The following CCDC28B variants were observed in gnomAD, a reference collection of about 807,000 sequenced individuals.
CCDC28B encodes the protein coiled-coil domain-containing protein 28B.
Under a neutral mutation model 18.7 loss-of-function variants are expected in CCDC28B, and 17 were observed. The ratio of observed to expected loss-of-function variants is 0.91; its 90% CI spans 0.62 to 1.36. CCDC28B has a LOEUF of 1.36. Among genes scored for constraint, CCDC28B ranks in the 40% most tolerant of loss-of-function variants. CCDC28B has a pLI of 0.00. For missense variants in CCDC28B, 213 were observed against 251.7 expected, an observed-to-expected ratio of 0.85 and a Z score of 1.04; for synonymous variants, 116 against 105.1, an observed-to-expected ratio of 1.10 and a Z score of -0.64.
upstream of CCDC28B, chr1:32,196,655 TG>T (rs1643031654): frequency 6.6e-6 from 1 of 152,264 alleles, no homozygotes; most frequent in Admixed American, 6.5e-5. Flanking sequence ...AGCAGTTTTC[TG>T]GGACAACAGA....
At chr1:32,202,267 C>A in intron 2 of CCDC28B, 168 bp downstream of exon 2, 3 of 910,662 alleles carry the variant, frequency 3.3e-6, no homozygotes, top group Non-Finnish European at 3.5e-6. Context: ...CTACCCTCAA[C>A]TGTGTGGCAA....
In CCDC28B at chr1:32,201,926, C is replaced by G. The variant is rs1434951164; in HGVS notation, c.-10C>G. 6.3e-7 allele frequency: 1 copy of G among 1,591,014 alleles called. No individual in the cohort carries two copies. Among genetic ancestry groups the G allele is most frequent in the Non-Finnish European group, 8.5e-7 (1 of 1,170,752 alleles). Reference sequence around the variant, plus strand: ...CTTCCCTCCTAGGCCTGAGGCCCAGCCAGCGCCCAATGGATGACAAAAAGA... The same window carrying G: ...CTTCCCTCCTAGGCCTGAGGCCCAGGCAGCGCCCAATGGATGACAAAAAGA... On this transcript the variant is annotated 5_prime_UTR_variant, in exon 2 of 6. Transcript: ENST00000373602.
At chr1:32,199,328 C>T (rs746043142), upstream of CCDC28B, among the ~76,000 whole-genome samples, 1 of 152,126 alleles carries the variant, frequency 6.6e-6, no homozygotes, top group East Asian at 1.9e-4. Context: ...GTTTTCCATG[C>T]TGGCCATGTT....
At chr1:32,197,156 C>A (rs1643043372), upstream of CCDC28B, 1 of 152,372 alleles carries the variant, frequency 6.6e-6, no homozygotes, top group African/African-American at 2.4e-5. The surrounding 1 kb of genome is among the most constrained non-coding windows in gnomAD (Gnocchi z 4.6). Flanking sequence ...TAAGCTGGTA[C>A]AAGAGCTGCC....
rs1289082178 is a variant in CCDC28B at position 32,205,260 on chromosome 1, A to C, written c.*12A>C. Reference sequence around the variant, plus strand: ...AGTCCGCTGCGTAGGCGTCCCACGCAGGCCCACACTGCCCCTCTCATTCTC... The same window carrying C: ...AGTCCGCTGCGTAGGCGTCCCACGCCGGCCCACACTGCCCCTCTCATTCTC... On this transcript the variant is annotated 3_prime_UTR_variant, in exon 6 of 6. Transcript: ENST00000373602. This position sits in a 1 kb window ranked among gnomAD's most constrained non-coding sequence, Gnocchi z 5.6. 9.9e-6 allele frequency: 16 copies of C among 1,608,086 alleles called. No homozygotes were observed. The highest frequency in any genetic ancestry group is 1.3e-5 in the African/African-American group (1 of 74,794).
In CCDC28B at chr1:32,205,051, G is replaced by A; in HGVS notation, c.549-143G>A. ...AGAGGGGGTGAGAGAGGGCAGGCGG[G>A]GACTGCAACCTCAGTCCACAGACGG... On this transcript the variant is annotated intron_variant, in intron 5 of 5. Coordinates refer to ENST00000373602, the MANE Select transcript of CCDC28B (RefSeq NM_024296.5). This position sits in a 1 kb window ranked among gnomAD's most constrained non-coding sequence, Gnocchi z 5.6. The A allele has an allele frequency of 8.4e-7, 1 of 1,194,174 alleles. No homozygotes were observed. 74.0% of individuals were successfully genotyped at this position (1,194,174 alleles called of 1,614,324 possible).
chr1:32,205,358 T>C lies in CCDC28B; in HGVS notation c.*110T>C, dbSNP rs970383304. On this transcript the variant is annotated 3_prime_UTR_variant, in exon 6 of 6. Coordinates refer to ENST00000373602, the MANE Select transcript of CCDC28B (RefSeq NM_024296.5). The surrounding 1 kb of genome is among the most constrained non-coding windows in gnomAD (Gnocchi z 5.6). ...CCAGGTGCTATGGGGGAGGGGGGCG[T>C]TGAATGGAATTAAACCAGAAAGAAA... The C allele has an allele frequency of 7.2e-6, 8 of 1,117,676 alleles. No homozygotes were observed. Among genetic ancestry groups the C allele is most frequent in the Non-Finnish European group, 1.0e-5 (8 of 790,532 alleles). 69.2% of individuals were successfully genotyped at this position (1,117,676 alleles called of 1,614,324 possible). A position where few individuals can be genotyped will look rare whatever the true frequency, so the allele number is the denominator to read the frequency against.
upstream of CCDC28B, chr1:32,198,189 A>G (rs531891721): frequency 6.6e-6 from 1 of 152,366 alleles, no homozygotes; most frequent in East Asian, 1.9e-4. Context: ...TTGAAGCTGC[A>G]CTGGCAGCTT....
rs2124194371 is a variant in CCDC28B at position 32,205,027 on chromosome 1, G to A, written c.549-167G>A. The A allele has an allele frequency of 2.6e-6, 3 of 1,165,220 alleles. No individual in the cohort carries two copies. The highest frequency in any genetic ancestry group is 2.7e-5 in the Admixed American group (1 of 36,384). 72.2% of individuals were successfully genotyped at this position (1,165,220 alleles called of 1,614,324 possible). On this transcript the variant is annotated intron_variant, in intron 5 of 5. Coordinates refer to ENST00000373602, the MANE Select transcript of CCDC28B (RefSeq NM_024296.5). This position sits in a 1 kb window ranked among gnomAD's most constrained non-coding sequence, Gnocchi z 5.6. ...GACCTGCACGATCTGGATGAAGAGA[G>A]AGGGGGTGAGAGAGGGCAGGCGGGG...
In CCDC28B at chr1:32,202,118, G is replaced by A; in HGVS notation, c.164+19G>A. The stretch of plus-strand genomic sequence containing the variant: ...TCAAGAGGTGGGTACAGAAGGGAAG[G>A]AAAGGAGGAGGGACCCCAACTCTGG... On this transcript the variant is annotated intron_variant, in intron 2 of 5. Transcript: ENST00000373602. 1.2e-6 allele frequency: 2 copies of A among 1,611,488 alleles called. No homozygotes were observed. The highest frequency in any genetic ancestry group is 1.7e-6 in the Non-Finnish European group (2 of 1,178,344).
chr1:32,197,558 C>G (rs1421403572), upstream of CCDC28B: 2 of 152,314 alleles, frequency 1.3e-5, no homozygotes, highest in Non-Finnish European at 2.9e-5. The surrounding 1 kb of genome is among the most constrained non-coding windows in gnomAD (Gnocchi z 4.6). Context: ...TAGCCCAGGT[C>G]CTGGGCCAGA....
At chr1:32,199,644 G>C (rs1643105123), upstream of CCDC28B, among the ~76,000 whole-genome samples, 1 of 152,208 alleles carries the variant, frequency 6.6e-6, no homozygotes, top group Non-Finnish European at 1.5e-5. Flanking sequence ...AAGAAGCCCT[G>C]AGCAGGTGCC....
rs534133056 is a variant in CCDC28B at position 32,203,840 on chromosome 1, C to T, written c.165-39C>T. ...AAAAGATCGGGAGGTGCCTGACTGC[C>T]CCCTACCCTGTGATCATGGTCATGT... On this transcript the variant is annotated intron_variant, in intron 2 of 5. Transcript: ENST00000373602. 2.4e-5 allele frequency: 35 copies of T among 1,472,554 alleles called. No homozygotes were observed. The South Asian group carries it at 4.6e-4, about 20-fold the overall frequency. The allele number at this position is 1,472,554 out of a possible 1,614,324, so 91.2% of individuals were successfully genotyped here.
At position 32,205,036 on chromosome 1, in the gene CCDC28B, A is replaced by G; in HGVS notation, c.549-158A>G. On this transcript the variant is annotated intron_variant, in intron 5 of 5. Coordinates refer to ENST00000373602, the MANE Select transcript of CCDC28B (RefSeq NM_024296.5). The surrounding 1 kb of genome is among the most constrained non-coding windows in gnomAD (Gnocchi z 5.6). Reference sequence around the variant, plus strand: ...GATCTGGATGAAGAGAGAGGGGGTGAGAGAGGGCAGGCGGGGACTGCAACC... The same window carrying G: ...GATCTGGATGAAGAGAGAGGGGGTGGGAGAGGGCAGGCGGGGACTGCAACC... 2 of 1,167,450 alleles carry G rather than the reference A, an allele frequency of 1.7e-6. No homozygotes were observed. The highest frequency in any genetic ancestry group is 2.4e-6 in the Non-Finnish European group (2 of 837,884). 72.3% of individuals were successfully genotyped at this position (1,167,450 alleles called of 1,614,324 possible).
chr1:32,204,995 T>G lies in CCDC28B; in HGVS notation c.549-199T>G. 2.5e-6 allele frequency: 3 copies of G among 1,202,852 alleles called. No homozygotes were observed. In the South Asian group the frequency reaches 4.7e-5, roughly 19 times the overall value. 74.5% of individuals were successfully genotyped at this position (1,202,852 alleles called of 1,614,324 possible). On this transcript the variant is annotated intron_variant, in intron 5 of 5. Coordinates refer to ENST00000373602, the MANE Select transcript of CCDC28B (RefSeq NM_024296.5). ...GCGAGTGCGCGCGCACACACCCCAGTGTGTCTGACCTGCACGATCTGGATG... is the reference window on the plus strand; with the variant it reads ...GCGAGTGCGCGCGCACACACCCCAGGGTGTCTGACCTGCACGATCTGGATG...
rs553529308 is a variant in CCDC28B, at chr1:32,201,162, C to T, written c.-24+453C>T. ...TGCTGGACCGGGGACCTCGGAGCAG[C>T]CCAGCCACAGGCGCAGCCTTTGTCG... On this transcript the variant is annotated intron_variant, in intron 1 of 5. Transcript: ENST00000373602. Among the ~76,000 whole-genome samples, 11 of 152,302 alleles carry T rather than the reference C, an allele frequency of 7.2e-5. No individual in the cohort carries two copies. The East Asian group carries it at 1.7e-3, about 24-fold the overall frequency.
intron 5 of CCDC28B, chr1:32,204,892 C>T: frequency 6.7e-7 from 1 of 1,491,212 alleles, no homozygotes; most frequent in Admixed American, 2.4e-5. Flanking sequence ...GTCCGATGTC[C>T]TCCTATCCTT....
intron 2 of CCDC28B, among the ~76,000 whole-genome samples, chr1:32,203,415 C>T (rs987905181): frequency 2.0e-5 from 3 of 152,132 alleles, no homozygotes; most frequent in Admixed American, 1.3e-4. Context: ...CGAGATCACA[C>T]CACTGCACTC....
upstream of CCDC28B, chr1:32,197,230 C>G (rs956663579): frequency 6.6e-6 from 1 of 152,250 alleles, no homozygotes; most frequent in African/African-American, 2.4e-5. The surrounding 1 kb of genome is among the most constrained non-coding windows in gnomAD (Gnocchi z 4.6). Context: ...TGCACCTTCC[C>G]CCTTGAAGAG....
Sources: allele counts gnomAD v4.1 joint callset (sites outside exome capture counted in the v4.1 genomes callset), GRCh38; gene constraint gnomAD v4.1.1; non-coding constraint Gnocchi (gnomAD v3.1); transcripts MANE v1.5; gene names NCBI Gene and HGNC (gene_info 2026-07-23, HGNC 2026-07-21).